Variants in IL3RA observed in about 807,000 individuals in gnomAD.
The protein encoded by IL3RA is interleukin 3 receptor subunit alpha, also known as interleukin-3 receptor subunit alpha.
Under a neutral mutation model 52.3 loss-of-function variants are expected in IL3RA, and 73 were observed. The observed-to-expected ratio is 1.40, with a 90% CI of 1.16 to 1.70. The LOEUF (loss-of-function observed/expected upper bound fraction) is 1.70. IL3RA is among the 40% of genes most tolerant of loss of function. IL3RA has a pLI of 0.00. For synonymous variants in IL3RA, 260 were observed against 194.0 expected (o/e 1.34, Z -2.83); for missense variants, 664 against 504.4 (o/e 1.32, Z -3.03).
At chrX:1,363,449 C>T (rs764006050) in intron 8 of IL3RA, among the ~76,000 whole-genome samples, 45 of 151,424 alleles carry the variant, frequency 3.0e-4, no homozygotes, top group African/African-American at 9.0e-4. Context: ...CTCAGGCGCC[C>T]GCCACCGGGC....
intron 7 of IL3RA, among the ~76,000 whole-genome samples, chrX:1,356,867 TTC>T (rs1177216025): frequency 6.6e-6 from 1 of 151,966 alleles, no homozygotes; most frequent in Non-Finnish European, 1.5e-5. Context: ...TTCTTGAACT[TTC>T]TTTTTTCTTT....
intron 8 of IL3RA, among the ~76,000 whole-genome samples, chrX:1,359,897 C>G (rs28971413): frequency 6.7e-6 from 1 of 150,084 alleles, no homozygotes; most frequent in Non-Finnish European, 1.5e-5. Context: ...CCATTTCTCC[C>G]TCCATCTCTC....
rs188600142 is a variant in IL3RA at position 1,344,578 on chromosome X, T to G, written c.65-738T>G. 8.7e-3 allele frequency among the ~76,000 whole-genome samples: 1,262 copies of G among 144,914 alleles called. 12 individuals are homozygous for G. Among genetic ancestry groups the G allele is most frequent in the Non-Finnish European group, 8.6e-3 (564 of 65,834 alleles). On this transcript the variant is annotated intron_variant, in intron 2 of 11. Coordinates refer to ENST00000331035, the MANE Select transcript of IL3RA (RefSeq NM_002183.4). Reference sequence around the variant, plus strand: ...TCACGAGGTCAGGAGATCGAGACCATCCTGGCCAACATGGTGAAACCCCAT... The same window carrying G: ...TCACGAGGTCAGGAGATCGAGACCAGCCTGGCCAACATGGTGAAACCCCAT...
intron 8 of IL3RA, among the ~76,000 whole-genome samples, chrX:1,362,145 T>C (rs1337264245): frequency 5.4e-5 from 7 of 129,474 alleles, no homozygotes; most frequent in Non-Finnish European, 1.1e-4. Flanking sequence ...TCTGTTTCTG[T>C]TTTTCTGTTT....
At chrX:1,381,197 G>C in intron 11 of IL3RA, 93 bp downstream of exon 11, 1 of 1,073,340 alleles carries the variant, frequency 9.3e-7, no homozygotes, top group South Asian at 1.3e-5. Flanking sequence ...CCAGGAACTG[G>C]AGACCAGCCT....
intron 9 of IL3RA, among the ~76,000 whole-genome samples, chrX:1,366,586 CGGGGTG>C (rs2088070753): frequency 2.8e-5 from 1 of 35,448 alleles, no homozygotes; most frequent in East Asian, 7.0e-4. Flanking sequence ...GCGGGGTGAG[CGGGGTG>C]CGCGGTGCGC....
At chrX:1,351,334 A>T (rs1271812095) in intron 4 of IL3RA, among the ~76,000 whole-genome samples, 3 of 67,364 alleles carry the variant, frequency 4.5e-5, no homozygotes, top group East Asian at 2.4e-4. Flanking sequence ...TTAGAGTTTT[A>T]TTTTTTTTTT....
rs2085511874 is a variant in IL3RA, at chrX:1,341,909, T to C, written c.64+80T>C. The stretch of plus-strand genomic sequence containing the variant: ...GACACACAATGTCAGCGTGCCGTCC[T>C]TCAGGGAAACTTTTCATGCTGAGCT... On this transcript the variant is annotated intron_variant, in intron 2 of 11. Coordinates refer to ENST00000331035, the MANE Select transcript of IL3RA (RefSeq NM_002183.4). 2.7e-6 allele frequency: 4 copies of C among 1,467,094 alleles called. No individual in the cohort carries two copies. In the South Asian group the frequency reaches 4.5e-5, roughly 17 times the overall value. 90.9% of individuals were successfully genotyped at this position (1,467,094 alleles called of 1,614,324 possible). A position where few individuals can be genotyped will look rare whatever the true frequency, so the allele number is the denominator to read the frequency against.
At chrX:1,348,180 C>G (rs761321351) in intron 3 of IL3RA, among the ~76,000 whole-genome samples, 4 of 149,868 alleles carry the variant, frequency 2.7e-5, no homozygotes, top group East Asian at 3.9e-4. Context: ...AACCCTGTCT[C>G]TACCCAGAAA....
chrX:1,338,896 T>C (rs2085391762), intron 1 of IL3RA, among the ~76,000 whole-genome samples: 1 of 151,906 alleles, frequency 6.6e-6, no homozygotes, highest in Admixed American at 6.6e-5. Flanking sequence ...ACCTCCCGGG[T>C]TCAAGCAATT....
rs17882959 is a variant in IL3RA, at chrX:1,346,361, C to G, written c.183+927C>G. Among the ~76,000 whole-genome samples the G allele has an allele frequency of 1.4e-4, 22 of 152,032 alleles. 1 individual carries two copies. The highest frequency in any genetic ancestry group is 5.3e-4 in the African/African-American group (22 of 41,378). The stretch of plus-strand genomic sequence containing the variant: ...GGCTGAGGCAGGAGAATCGCTTGAA[C>G]CCGGGAGGCAGAGGTTGCATTGAGC... On this transcript the variant is annotated intron_variant, in intron 3 of 11. Coordinates refer to ENST00000331035, the MANE Select transcript of IL3RA (RefSeq NM_002183.4).
intron 11 of IL3RA, among the ~76,000 whole-genome samples, chrX:1,381,683 T>C (rs1468733737): frequency 2.0e-5 from 3 of 151,458 alleles, no homozygotes; most frequent in Non-Finnish European, 4.4e-5. Context: ...TAGCTGGGAC[T>C]ACAGGCACGC....
At chrX:1,357,116 C>G (rs1222616946) in intron 7 of IL3RA, among the ~76,000 whole-genome samples, 21 of 151,916 alleles carry the variant, frequency 1.4e-4, no homozygotes, top group African/African-American at 4.8e-4. Context: ...CCACACCCAG[C>G]TAAGTTTTTG....
At chrX:1,342,961 G>A (rs2085551395) in intron 2 of IL3RA, among the ~76,000 whole-genome samples, 1 of 151,798 alleles carries the variant, frequency 6.6e-6, no homozygotes, top group Non-Finnish European at 1.5e-5. Flanking sequence ...TGTAATCCCA[G>A]TTACTCGGGA....
At chrX:1,362,433 T>C (rs749644828) in intron 8 of IL3RA, among the ~76,000 whole-genome samples, 2 of 152,068 alleles carry the variant, frequency 1.3e-5, no homozygotes. Context: ...CCCTTCTCTG[T>C]GTCTCTTTGT....
chrX:1,368,119 C>G (rs1235232092), intron 9 of IL3RA, among the ~76,000 whole-genome samples: 3 of 152,066 alleles, frequency 2.0e-5, no homozygotes, highest in African/African-American at 7.2e-5. Flanking sequence ...ATTAGCCAGG[C>G]GTGGTGATGG....
chrX:1,345,995 A>G (rs2085725150), intron 3 of IL3RA, among the ~76,000 whole-genome samples: 1 of 151,882 alleles, frequency 6.6e-6, no homozygotes, highest in South Asian at 2.1e-4. Flanking sequence ...TGAAAGTGAA[A>G]TGAGGCTAAG....
intron 2 of IL3RA, 89 bp from the exon 3 acceptor site, chrX:1,345,227 C>T (rs1603443248): frequency 2.7e-6 from 2 of 748,872 alleles, no homozygotes; most frequent in African/African-American, 4.1e-5. Context: ...TGGCTAACTC[C>T]ACGGGCAAAA....
At chrX:1,349,508 C>A (rs1416174028) in intron 4 of IL3RA, among the ~76,000 whole-genome samples, 2 of 151,716 alleles carry the variant, frequency 1.3e-5, no homozygotes, top group Non-Finnish European at 2.9e-5. Flanking sequence ...GATGGGGTGT[C>A]GCTATGTTAC....
Sources: gnomAD v4.1 joint callset for allele counts (sites outside exome capture counted in the v4.1 genomes callset) on GRCh38, gnomAD v4.1.1 for gene constraint, MANE v1.5 for transcripts, NCBI Gene and HGNC (gene_info 2026-07-23, HGNC 2026-07-21) for gene names.